DNAH12: variants seen among roughly 807,000 people sequenced by gnomAD.
The protein encoded by DNAH12 is dynein axonemal heavy chain 12, also known as axonemal beta dynein heavy chain 12.
DNAH12 carries 285 observed loss-of-function variants against 371.5 expected under a neutral mutation model. The ratio of observed to expected loss-of-function variants is 0.77; its 90% CI spans 0.70 to 0.85. The LOEUF is 0.85. DNAH12 is among the 40% of genes least tolerant of loss of function. The pLI, the probability that DNAH12 is intolerant of heterozygous loss-of-function variation, is 0.00. For missense variants in DNAH12, 3,611 were observed against 3,689.4 expected, an observed-to-expected ratio of 0.98 and a Z score of 0.55; for synonymous variants, 1,200 against 1,213.0, an observed-to-expected ratio of 0.99 and a Z score of 0.22.
At position 57,454,896 on chromosome 3, in the gene DNAH12, T is replaced by C. The variant is rs1407641042; in HGVS notation, c.3337-2A>G. 10 of 1,535,922 alleles carry C rather than the reference T, an allele frequency of 6.5e-6. No homozygotes were observed. Among genetic ancestry groups the C allele is most frequent in the Non-Finnish European group, 7.9e-6 (9 of 1,142,756 alleles). Reference sequence around the variant, plus strand: ...TCTTCTTGCAGATTCTGGATAAGCCTGAACAATTAAAATAAATTTCTAACT... The same window carrying C: ...TCTTCTTGCAGATTCTGGATAAGCCCGAACAATTAAAATAAATTTCTAACT... On this transcript the variant is annotated splice_acceptor_variant, in intron 22 of 73. Transcript: ENST00000495027. LOFTEE classifies it high-confidence loss of function.
intron 35 of DNAH12, among the ~76,000 whole-genome samples, chr3:57,423,182 T>C (rs1383820756): frequency 1.3e-5 from 2 of 152,150 alleles, no homozygotes; most frequent in Non-Finnish European, 2.9e-5. Context: ...CACCTAGATA[T>C]CAATCTGTAT....
At position 57,325,984 on chromosome 3, in the gene DNAH12, T is replaced by C. The variant is rs967430088; in HGVS notation, c.9979-2365A>G. On this transcript the variant is annotated intron_variant, in intron 62 of 73. Transcript: ENST00000495027. ...AGGGTATCAGTGATGGAAGATGAAATGAAGCGAGAAGGGAAGTTTAGAGAA... is the reference window on the plus strand; with the variant it reads ...AGGGTATCAGTGATGGAAGATGAAACGAAGCGAGAAGGGAAGTTTAGAGAA... Among the ~76,000 whole-genome samples the C allele has an allele frequency of 2.6e-5, 4 of 151,968 alleles. No homozygotes were observed. In the East Asian group the frequency reaches 7.7e-4, roughly 29 times the overall value.
At position 57,433,435 on chromosome 3, in the gene DNAH12, C is replaced by T. The variant is rs1240586181; in HGVS notation, c.4912G>A (p.Val1638Ile). 3 of 1,551,500 alleles carry T rather than the reference C, an allele frequency of 1.9e-6. No individual in the cohort carries two copies. Among genetic ancestry groups the T allele is most frequent in the Admixed American group, 3.9e-5 (2 of 50,990 alleles). Reference protein sequence around the residue: ...LSETPDRKWVVFDGPIDTLWI... With the variant: ...LSETPDRKWVIFDGPIDTLWI... ...AAAGTGTCAATAGGACCATCAAATA[C>T]AACCCATTTCCGGTCAGGTGTTTCT... Residue 1638 changes from valine (V) to isoleucine (I), a missense_variant, in exon 32 of 74, where the codon GTA (valine) becomes ATA (isoleucine). Physicochemically the swap from Val to Ile is conservative, Grantham distance 29 (BLOSUM62 3). Around this residue, in one of 3 missense-constraint regions of DNAH12, gnomAD observed 2,266 missense variants for 2,236.9 expected, o/e 1.01. Coordinates refer to ENST00000495027, the MANE Select transcript of DNAH12 (RefSeq NM_001366028.2).
intron 25 of DNAH12, among the ~76,000 whole-genome samples, chr3:57,447,891 T>C (rs2065573613): frequency 6.6e-6 from 1 of 152,102 alleles, no homozygotes; most frequent in Admixed American, 6.5e-5. Context: ...CCCAAGCTGG[T>C]CTCAAACTCC....
chr3:57,519,641 A>G, intron 4 of DNAH12: 4 of 1,302,222 alleles, frequency 3.1e-6, no homozygotes, highest in Non-Finnish European at 2.2e-6. Context: ...GCTCTGAACA[A>G]CTGCACTAAG....
At chr3:57,335,073 G>C in intron 60 of DNAH12, 133 bp from the exon 61 acceptor site, 1 of 937,344 alleles carries the variant, frequency 1.1e-6, no homozygotes, top group Non-Finnish European at 1.5e-6. Context: ...CTAGAAAACT[G>C]GACAAAATTA....
At chr3:57,316,698 C>T (rs1481031986) in intron 65 of DNAH12, among the ~76,000 whole-genome samples, 1 of 152,098 alleles carries the variant, frequency 6.6e-6, no homozygotes, top group African/African-American at 2.4e-5. Flanking sequence ...GGCAGTTTCC[C>T]CCATACTGTT....
chr3:57,498,618 A>G, intron 11 of DNAH12: 1 of 710,904 alleles, frequency 1.4e-6, no homozygotes, highest in Admixed American at 2.0e-5. Context: ...ATAATAGCCA[A>G]AAACTGGAAA....
At chr3:57,471,630 T>C in intron 14 of DNAH12, 24 bp from the exon 15 acceptor site, 1 of 1,508,118 alleles carries the variant, frequency 6.6e-7, no homozygotes, top group Non-Finnish European at 8.9e-7. Flanking sequence ...AATTTGATCA[T>C]GTTAGTTAAT....
upstream of DNAH12, among the ~76,000 whole-genome samples, chr3:57,544,636 C>T (rs1306527473): frequency 6.6e-6 from 1 of 152,172 alleles, no homozygotes; most frequent in Admixed American, 6.5e-5. Context: ...TGGAAACACT[C>T]TCAGCAAGAG....
intron 69 of DNAH12, among the ~76,000 whole-genome samples, chr3:57,304,607 C>A (rs2061431378): frequency 6.6e-6 from 1 of 152,202 alleles, no homozygotes; most frequent in African/African-American, 2.4e-5. Flanking sequence ...CTTGGGAAGA[C>A]AGTCTTCCCT....
At chr3:57,372,901 TAGAA>T (rs1192075861) in intron 55 of DNAH12, among the ~76,000 whole-genome samples, 7 of 152,170 alleles carry the variant, frequency 4.6e-5, no homozygotes, top group East Asian at 1.9e-4. Context: ...TGATTAAAAA[TAGAA>T]AGAAAAAGTC....
At chr3:57,358,313 T>TA (rs1476931547) in intron 58 of DNAH12, among the ~76,000 whole-genome samples, 1 of 152,150 alleles carries the variant, frequency 6.6e-6, no homozygotes, top group East Asian at 1.9e-4. Flanking sequence ...TAGATGAGTA[T>TA]ATAAAGGAAG....
intron 43 of DNAH12, among the ~76,000 whole-genome samples, chr3:57,402,102 T>C (rs113134883): frequency 0.011 from 1,627 of 152,314 alleles, 18 homozygotes; most frequent in African/African-American, 0.037. Context: ...TCAAAAGTTT[T>C]CCTCTAAAGT....
At position 57,308,941 on chromosome 3, in the gene DNAH12, C is replaced by T. The variant is rs2061528254; in HGVS notation, c.11189+210G>A. 3.3e-5 allele frequency among the ~76,000 whole-genome samples: 5 copies of T among 151,914 alleles called. 1 individual carries two copies. The highest frequency in any genetic ancestry group is 3.3e-4 in the Admixed American group (5 of 15,250). On this transcript the variant is annotated intron_variant, in intron 69 of 73. Coordinates refer to ENST00000495027, the MANE Select transcript of DNAH12 (RefSeq NM_001366028.2). ...ACAACCCTACAATATCACCCCTTAC[C>T]ACAAAATCTGCCTTCAGCTTAATCT...
intron 17 of DNAH12, among the ~76,000 whole-genome samples, chr3:57,466,310 T>C (rs2066202429): frequency 6.6e-6 from 1 of 152,312 alleles, no homozygotes; most frequent in East Asian, 1.9e-4. Context: ...GGTAATAACA[T>C]TGATCACCTG....
intron 43 of DNAH12, among the ~76,000 whole-genome samples, chr3:57,400,625 G>A (rs967737578): frequency 0.012 from 1,820 of 152,178 alleles, 23 homozygotes; most frequent in African/African-American, 0.042. Flanking sequence ...ACAACATACT[G>A]TAATAAAAGT....
intron 2 of DNAH12, among the ~76,000 whole-genome samples, chr3:57,537,062 C>T (rs932967416): frequency 8.7e-5 from 11 of 126,914 alleles, no homozygotes; most frequent in Middle Eastern, 4.5e-3. Context: ...GGTGTGGTGG[C>T]GCACACCTGT....
rs1394934186 is a variant in DNAH12, at chr3:57,519,873, C to A, written c.279+3710G>T. On this transcript the variant is annotated intron_variant, in intron 4 of 73. Coordinates refer to ENST00000495027, the MANE Select transcript of DNAH12 (RefSeq NM_001366028.2). ...CTCTGCAGATGGCGCACATATCTCA[C>A]TCCACGGCCCAGCTCCACATGGCCA... 3.1e-6 allele frequency: 3 copies of A among 955,888 alleles called. No individual in the cohort carries two copies. The African/African-American group carries it at 4.8e-5, about 15-fold the overall frequency. The allele number at this position is 955,888 out of a possible 1,614,324, so 59.2% of individuals were successfully genotyped here.
Sources: gnomAD v4.1 joint callset for allele counts (sites outside exome capture counted in the v4.1 genomes callset) on GRCh38, gnomAD v4.1.1 for gene constraint, gnomAD v4.1.1 regional missense constraint, MANE v1.5 for transcripts, NCBI Gene and HGNC (gene_info 2026-07-23, HGNC 2026-07-21) for gene names.